The following ACYP2 variants were observed in gnomAD, a reference collection of about 807,000 sequenced individuals.
The protein encoded by ACYP2 is acylphosphatase 2.
In ACYP2, 12 loss-of-function variants were observed where a neutral mutation model predicts 11.2. That is an observed-to-expected ratio of 1.08 (90% confidence interval 0.69 to 1.74). ACYP2 has a LOEUF of 1.74. ACYP2 is among the 40% of genes most tolerant of loss of function. The pLI is 0.00. For missense variants in ACYP2, 134 were observed against 101.9 expected, an observed-to-expected ratio of 1.31 and a Z score of -1.35; for synonymous variants, 43 against 32.2, an observed-to-expected ratio of 1.33 and a Z score of -1.13.
chr2:54,013,309 GTGTGTGTTTT>G (rs1673491915), intron 2 of ACYP2, among the ~76,000 whole-genome samples: 1 of 132,678 alleles, frequency 7.5e-6, no homozygotes, highest in African/African-American at 2.9e-5. Flanking sequence ...GTGTGTGTGT[GTGTGTGTTTT>G]GAGACAGAGT....
intron 2 of ACYP2, among the ~76,000 whole-genome samples, chr2:54,035,949 A>G (rs1674876468): frequency 1.3e-5 from 2 of 152,210 alleles, no homozygotes; most frequent in Admixed American, 1.3e-4. Flanking sequence ...CAACAATATA[A>G]TTAAATGTAT....
chr2:54,253,800 G>A (rs888292641), intron 6 of ACYP2: 1 of 152,256 alleles, frequency 6.6e-6, no homozygotes. Context: ...TTGCTAAAGA[G>A]GGGTGAGGGG....
intron 6 of ACYP2, among the ~76,000 whole-genome samples, chr2:54,300,988 A>G (rs1689702496): frequency 6.6e-6 from 1 of 152,276 alleles, no homozygotes; most frequent in East Asian, 1.9e-4. Context: ...CTTACTGGCT[A>G]TTTATATTCC....
chr2:54,107,171 A>G (rs146908756), intron 4 of ACYP2, among the ~76,000 whole-genome samples: 1 of 152,166 alleles, frequency 6.6e-6, no homozygotes, highest in Non-Finnish European at 1.5e-5. Context: ...GGTTAACTAG[A>G]GCGCTAGACA....
At chr2:54,304,401 C>T (rs1403305875) in intron 6 of ACYP2, among the ~76,000 whole-genome samples, 1 of 151,888 alleles carries the variant, frequency 6.6e-6, no homozygotes, top group Non-Finnish European at 1.5e-5. Context: ...GTAACAGTGG[C>T]CTTGGAGTGT....
At chr2:53,977,673 T>G (rs530082213) in intron 2 of ACYP2, among the ~76,000 whole-genome samples, 8 of 148,056 alleles carry the variant, frequency 5.4e-5, no homozygotes, top group African/African-American at 2.0e-4. Context: ...AGAGGGAGGT[T>G]GCAGTGAGCT....
intron 6 of ACYP2, chr2:54,142,712 G>C (rs1380677296): frequency 6.6e-6 from 1 of 151,998 alleles, no homozygotes. Flanking sequence ...AATGGGAGTA[G>C]CCTGTCCCAA....
chr2:54,202,471 G>A (rs1359401352), intron 6 of ACYP2, among the ~76,000 whole-genome samples: 24 of 138,854 alleles, frequency 1.7e-4, no homozygotes, highest in African/African-American at 5.5e-4. Context: ...GCAATGGCTC[G>A]ATCTCACCTC....
At chr2:54,115,833 C>G in intron 4 of ACYP2, 77 bp downstream of exon 1, 1 of 1,423,096 alleles carries the variant, frequency 7.0e-7, no homozygotes, top group Non-Finnish European at 9.3e-7. Flanking sequence ...GCGCCTCCCA[C>G]CTAAAGTATG....
chr2:54,098,091 T>C (rs371094415), intron 4 of ACYP2, among the ~76,000 whole-genome samples: 1 of 151,780 alleles, frequency 6.6e-6, no homozygotes, highest in South Asian at 2.1e-4. Context: ...GCCTCCCCAG[T>C]AGCTGGTATT....
At chr2:54,090,790 C>T (rs1011250554) in intron 4 of ACYP2, among the ~76,000 whole-genome samples, 11 of 152,284 alleles carry the variant, frequency 7.2e-5, no homozygotes, top group African/African-American at 2.6e-4. Context: ...AACTCTGTTC[C>T]CCTCCTCTGT....
chr2:54,096,699 G>A (rs35317379), intron 4 of ACYP2, among the ~76,000 whole-genome samples: 56,779 of 151,546 alleles, frequency 0.37, 11,453 homozygotes, highest in East Asian at 0.73. Context: ...CAGGTGTGGC[G>A]GCGCGCGCCT....
chr2:53,998,804 TA>T (rs1035583733), intron 2 of ACYP2, among the ~76,000 whole-genome samples: 6 of 150,904 alleles, frequency 4.0e-5, no homozygotes, highest in Admixed American at 3.3e-4. Flanking sequence ...GGACTGGGTT[TA>T]AAAAAAAAGA....
intron 2 of ACYP2, among the ~76,000 whole-genome samples, chr2:53,994,229 C>G (rs1467511524): frequency 6.9e-6 from 1 of 144,414 alleles, no homozygotes; most frequent in African/African-American, 2.6e-5. Context: ...ACTCGGAAGG[C>G]TGAGGCAGGA....
intron 6 of ACYP2, among the ~76,000 whole-genome samples, chr2:54,252,376 T>G (rs1341635595): frequency 6.6e-6 from 1 of 152,126 alleles, no homozygotes; most frequent in Admixed American, 6.5e-5. Flanking sequence ...ACTTTATGCA[T>G]GTCTTTGAGT....
chr2:54,285,286 A>G lies in ACYP2; in HGVS notation c.405-19402A>G, dbSNP rs570612624. Among the ~76,000 whole-genome samples, 124 of 152,308 alleles carry G rather than the reference A, an allele frequency of 8.1e-4. 2 individuals are homozygous for G. In the South Asian group the frequency reaches 0.016, roughly 20 times the overall value. Reference sequence around the variant, plus strand: ...AGGACACAAACATTCAGACCACAGCACTGAGTTTCTAGGATACCACGGTCT... The same window carrying G: ...AGGACACAAACATTCAGACCACAGCGCTGAGTTTCTAGGATACCACGGTCT... On this transcript the variant is annotated intron_variant, in intron 6 of 6. Coordinates refer to ENST00000607452, the MANE Select transcript of ACYP2 (RefSeq NM_001320586.2).
At chr2:54,069,892 G>T (rs966586910) in intron 4 of ACYP2, among the ~76,000 whole-genome samples, 1 of 152,140 alleles carries the variant, frequency 6.6e-6, no homozygotes, top group Admixed American at 6.5e-5. Flanking sequence ...TTTAATGAAA[G>T]AGAGAAGATA....
At chr2:54,045,851 G>A (rs1162850059) in intron 2 of ACYP2, among the ~76,000 whole-genome samples, 1 of 150,690 alleles carries the variant, frequency 6.6e-6, no homozygotes, top group Non-Finnish European at 1.5e-5. Flanking sequence ...CTGCTGCTCA[G>A]TATGATGTGA....
At chr2:53,971,985 C>T (rs1160704160) in intron 1 of ACYP2, among the ~76,000 whole-genome samples, 1 of 152,238 alleles carries the variant, frequency 6.6e-6, no homozygotes, top group Non-Finnish European at 1.5e-5. Flanking sequence ...TTAAGCATAG[C>T]AGTGGGATGA....
Sources: allele counts gnomAD v4.1 joint callset (sites outside exome capture counted in the v4.1 genomes callset), GRCh38; gene constraint gnomAD v4.1.1; transcripts MANE v1.5; gene names NCBI Gene and HGNC (gene_info 2026-07-23, HGNC 2026-07-21).